Variants in CD2AP observed in about 807,000 individuals in gnomAD.
CD2AP encodes the protein CD2 associated protein, also known as CD2-associated protein.
A neutral mutation model predicts 85.1 loss-of-function variants in CD2AP; 46 were observed. The observed-to-expected ratio is 0.54, with a 90% CI of 0.43 to 0.69. The LOEUF is 0.69. Among genes scored for constraint, CD2AP ranks in the 30% least tolerant of loss-of-function variants. CD2AP has a pLI of 0.00. For synonymous variants in CD2AP, 255 were observed against 252.9 expected, an observed-to-expected ratio of 1.01 and a Z score of -0.08; for missense variants, 769 against 729.5, an observed-to-expected ratio of 1.05 and a Z score of -0.62.
intron 1 of CD2AP, among the ~76,000 whole-genome samples, chr6:47,478,510 T>C (rs13214158): frequency 5.3e-5 from 8 of 151,522 alleles, no homozygotes; most frequent in African/African-American, 1.5e-4. Flanking sequence ...AGGTGCGGGA[T>C]GGGGGGCGGG....
intron 5 of CD2AP, among the ~76,000 whole-genome samples, chr6:47,554,996 T>G (rs1767641675): frequency 6.6e-6 from 1 of 152,196 alleles, no homozygotes; most frequent in African/African-American, 2.4e-5. Context: ...AGGTAAATCT[T>G]TAGTACCCTG....
intron 1 of CD2AP, among the ~76,000 whole-genome samples, chr6:47,494,217 A>G (rs1253174039): frequency 1.3e-5 from 2 of 152,060 alleles, no homozygotes; most frequent in African/African-American, 4.8e-5. Context: ...TAGGAGTTGG[A>G]TTGTGTTTAA....
chr6:47,503,604 G>A lies in CD2AP; in HGVS notation c.165+164G>A, dbSNP rs568389891. Among the ~76,000 whole-genome samples the A allele has an allele frequency of 2.6e-5, 4 of 152,240 alleles. No homozygotes were observed. The East Asian group carries it at 7.7e-4, about 29-fold the overall frequency. ...TACCTCTATAATGGATATCATTGTT[G>A]CTCTGTGTCCTGCTGGATAGTAATC... On this transcript the variant is annotated intron_variant, in intron 2 of 17. Coordinates refer to ENST00000359314, the MANE Select transcript of CD2AP (RefSeq NM_012120.3).
At chr6:47,591,210 CTG>C (rs1345373402) in intron 11 of CD2AP, among the ~76,000 whole-genome samples, 4 of 152,076 alleles carry the variant, frequency 2.6e-5, no homozygotes, top group African/African-American at 9.7e-5. Flanking sequence ...CATAAATAAT[CTG>C]TGGTGTTAGA....
chr6:47,575,244 T>C (rs1440137880), intron 6 of CD2AP, among the ~76,000 whole-genome samples: 2 of 152,192 alleles, frequency 1.3e-5, no homozygotes, highest in Admixed American at 1.3e-4. Flanking sequence ...GGGGTGGTGC[T>C]CTATAGCCAT....
At chr6:47,498,331 T>A (rs74701166) in intron 1 of CD2AP, among the ~76,000 whole-genome samples, 39 of 152,328 alleles carry the variant, frequency 2.6e-4, no homozygotes, top group African/African-American at 9.1e-4. Flanking sequence ...TCTCAATCTT[T>A]TGTAGATGAA....
Position 47,478,169 on chromosome 6 carries a change from G to A in CD2AP, c.-76G>A. On this transcript the variant is annotated 5_prime_UTR_variant, in exon 1 of 18. Coordinates refer to ENST00000359314, the MANE Select transcript of CD2AP (RefSeq NM_012120.3). ...GCGCGGGTCCCGCCTCCAGCCGCGG[G>A]AGCGGCCGCGCGAGCCACCACTGGA... The A allele has an allele frequency of 3.9e-6, 6 of 1,540,484 alleles. No homozygotes were observed. The South Asian group carries it at 7.2e-5, about 18-fold the overall frequency.
At chr6:47,543,164 A>AAG (rs1554171733) in intron 3 of CD2AP, among the ~76,000 whole-genome samples, 1 of 144,700 alleles carries the variant, frequency 6.9e-6, no homozygotes, top group East Asian at 2.0e-4. Flanking sequence ...AAAAAAAAAA[A>AAG]AAAAAAAAGA....
chr6:47,511,209 T>C (rs1204912053), intron 2 of CD2AP, among the ~76,000 whole-genome samples: 1 of 151,826 alleles, frequency 6.6e-6, no homozygotes, highest in Admixed American at 6.6e-5. Context: ...TGATAGGTTA[T>C]GTTGATACCA....
intron 14 of CD2AP, 112 bp downstream of exon 14, chr6:47,606,389 TATACTC>T: frequency 2.8e-6 from 2 of 717,654 alleles, no homozygotes; most frequent in Non-Finnish European, 5.1e-6. Flanking sequence ...GGATAGCTCT[TATACTC>T]AAGTGGCAAA....
At chr6:47,542,136 G>C (rs1767230188) in intron 3 of CD2AP, among the ~76,000 whole-genome samples, 2 of 151,866 alleles carry the variant, frequency 1.3e-5, no homozygotes, top group East Asian at 1.9e-4. Flanking sequence ...TCTAATTTTT[G>C]AAATATTTGT....
chr6:47,568,627 G>A (rs556228490), intron 5 of CD2AP, among the ~76,000 whole-genome samples: 294 of 152,038 alleles, frequency 1.9e-3, no homozygotes, highest in African/African-American at 6.8e-3. Context: ...ACCTGTAATC[G>A]CAGCTACTTG....
chr6:47,608,834 C>T (rs1397003773), intron 15 of CD2AP, among the ~76,000 whole-genome samples: 1 of 152,056 alleles, frequency 6.6e-6, no homozygotes, highest in East Asian at 1.9e-4. Context: ...ACATTCTTGC[C>T]CCTGTTTCAC....
intron 5 of CD2AP, among the ~76,000 whole-genome samples, chr6:47,571,654 G>GT (rs1341603664): frequency 6.6e-6 from 1 of 152,166 alleles, no homozygotes; most frequent in Non-Finnish European, 1.5e-5. Context: ...AATGCATACA[G>GT]TGAAACCCCA....
intron 11 of CD2AP, among the ~76,000 whole-genome samples, chr6:47,592,608 A>T (rs1260425472): frequency 1.3e-5 from 2 of 152,122 alleles, no homozygotes; most frequent in Non-Finnish European, 2.9e-5. Flanking sequence ...CTGAGTTTAT[A>T]TTAATGAGGA....
At chr6:47,608,461 T>C (rs989463605) in intron 15 of CD2AP, among the ~76,000 whole-genome samples, 1 of 152,116 alleles carries the variant, frequency 6.6e-6, no homozygotes. Context: ...CTTGTCAAAA[T>C]TTTTACCATT....
At chr6:47,545,685 C>T (rs975064740) in intron 4 of CD2AP, among the ~76,000 whole-genome samples, 7 of 152,206 alleles carry the variant, frequency 4.6e-5, no homozygotes, top group Non-Finnish European at 1.0e-4. Flanking sequence ...GGATGGTTCA[C>T]ATCACGGGAC....
intron 1 of CD2AP, among the ~76,000 whole-genome samples, chr6:47,492,347 C>CATTTTTTT (rs1554167732): frequency 3.1e-5 from 3 of 95,524 alleles, no homozygotes; most frequent in Non-Finnish European, 3.9e-5. Flanking sequence ...CACCTGTAAT[C>CATTTTTTT]TTTTTTTTTT....
chr6:47,613,962 G>C (rs529057385), intron 17 of CD2AP, among the ~76,000 whole-genome samples: 1 of 152,130 alleles, frequency 6.6e-6, no homozygotes, highest in Non-Finnish European at 1.5e-5. Context: ...ACATGAACCA[G>C]CCTCTGCTAC....
Sources: allele counts gnomAD v4.1 joint callset (sites outside exome capture counted in the v4.1 genomes callset), GRCh38; gene constraint gnomAD v4.1.1; transcripts MANE v1.5; gene names NCBI Gene and HGNC (gene_info 2026-07-23, HGNC 2026-07-21).